RCOR1: variants seen among roughly 807,000 people sequenced by gnomAD.
RCOR1 encodes REST corepressor.
RCOR1 carries 12 observed loss-of-function variants against 64.0 expected under a neutral mutation model. The observed-to-expected ratio is 0.19, with a 90% CI of 0.12 to 0.30. The LOEUF (loss-of-function observed/expected upper bound fraction) is 0.30. Among genes scored for constraint, RCOR1 ranks in the 10% least tolerant of loss-of-function variants. RCOR1 has a pLI of 1.00. For missense variants in RCOR1, 502 were observed against 621.2 expected (o/e 0.81, Z 2.04); for synonymous variants, 279 against 227.2 (o/e 1.23, Z -2.05).
intron 2 of RCOR1, among the ~76,000 whole-genome samples, chr14:102,630,544 G>A (rs552412944): frequency 7.9e-5 from 12 of 152,132 alleles, no homozygotes; most frequent in Non-Finnish European, 1.5e-4. Context: ...ATCCTATCAG[G>A]GATCAGTGCA....
intron 4 of RCOR1, among the ~76,000 whole-genome samples, chr14:102,703,314 A>G (rs1174803585): frequency 3.9e-5 from 6 of 152,346 alleles, no homozygotes; most frequent in African/African-American, 1.4e-4. Context: ...ATAATGGCCA[A>G]AAATTTCGCA....
At chr14:102,643,068 G>A (rs567847575) in intron 2 of RCOR1, among the ~76,000 whole-genome samples, 1 of 152,284 alleles carries the variant, frequency 6.6e-6, no homozygotes, top group Non-Finnish European at 1.5e-5. Flanking sequence ...AGATCACGAG[G>A]TCAGGAGATC....
intron 3 of RCOR1, among the ~76,000 whole-genome samples, chr14:102,683,310 A>G (rs1326171567): frequency 6.6e-6 from 1 of 152,212 alleles, no homozygotes; most frequent in Non-Finnish European, 1.5e-5. Flanking sequence ...CCAGAGGCAT[A>G]GGAGGACCAA....
intron 2 of RCOR1, among the ~76,000 whole-genome samples, chr14:102,667,979 A>G (rs558361049): frequency 2.4e-4 from 36 of 152,290 alleles, no homozygotes; most frequent in Non-Finnish European, 5.0e-4. Context: ...TTTAGAAGTC[A>G]TTACCATAAT....
At chr14:102,676,439 C>T (rs1224438446) in intron 2 of RCOR1, among the ~76,000 whole-genome samples, 34 of 118,332 alleles carry the variant, frequency 2.9e-4, no homozygotes, top group South Asian at 2.7e-3. Context: ...CCTCACCTCC[C>T]GGACGGGGCG....
chr14:102,701,347 C>G lies in RCOR1; in HGVS notation c.498+17C>G. The G allele has an allele frequency of 6.5e-7, 1 of 1,550,158 alleles. No homozygotes were observed. Among genetic ancestry groups the G allele is most frequent in the Non-Finnish European group, 8.7e-7 (1 of 1,151,840 alleles). ...ATGGAACAGGTAATATCATGGTTTT[C>G]TTTCTTTTGCTGTTAAAAAATGAGT... On this transcript the variant is annotated intron_variant, in intron 4 of 11. Coordinates refer to ENST00000262241, the MANE Select transcript of RCOR1 (RefSeq NM_015156.4).
intron 2 of RCOR1, among the ~76,000 whole-genome samples, chr14:102,600,568 ATTTTTTT>A (rs750778582): frequency 7.1e-5 from 9 of 127,010 alleles, no homozygotes; most frequent in Non-Finnish European, 1.5e-4. Context: ...TGCCCAGCTA[ATTTTTTT>A]TTTTTTTTTT....
rs114986436 is a variant in RCOR1, at chr14:102,634,577, T to G, written c.361+41252T>G. Among the ~76,000 whole-genome samples, 1,425 of 151,482 alleles carry G rather than the reference T, an allele frequency of 9.4e-3. 29 individuals carry two copies. The highest frequency in any genetic ancestry group is 0.033 in the African/African-American group (1,349 of 41,256). ...CAAATAAATACTAAGTTTTTTGACA[T>G]CTTTCCACAACATGTTTATATTACG... On this transcript the variant is annotated intron_variant, in intron 2 of 11. Transcript: ENST00000262241.
At position 102,701,262 on chromosome 14, in the gene RCOR1, T is replaced by G. The variant is rs750772929; in HGVS notation, c.446-16T>G. On this transcript the variant is annotated splice_polypyrimidine_tract_variant and intron_variant, in intron 3 of 11. Coordinates refer to ENST00000262241, the MANE Select transcript of RCOR1 (RefSeq NM_015156.4). ...GTCCCTCAGTTTGTTTAATGGCATC[T>G]CTTCTTGTTTTTCAGTGGATGAATA... 1.2e-6 allele frequency: 2 copies of G among 1,609,382 alleles called. No homozygotes were observed. Among genetic ancestry groups the G allele is most frequent in the East Asian group, 4.5e-5 (2 of 44,826 alleles).
chr14:102,703,234 G>A (rs1156982234), intron 4 of RCOR1, among the ~76,000 whole-genome samples: 1 of 152,196 alleles, frequency 6.6e-6, no homozygotes, highest in East Asian at 1.9e-4. Context: ...ACAATCGGGT[G>A]GACTAACATA....
intron 2 of RCOR1, among the ~76,000 whole-genome samples, chr14:102,678,004 G>T (rs1240314878): frequency 2.7e-5 from 4 of 150,806 alleles, no homozygotes; most frequent in Admixed American, 6.6e-5. Flanking sequence ...CTGGAGACCA[G>T]CCCGGCCAAC....
chr14:102,706,963 A>G (rs978229121), intron 4 of RCOR1, among the ~76,000 whole-genome samples: 1 of 152,086 alleles, frequency 6.6e-6, no homozygotes, highest in Non-Finnish European at 1.5e-5. Flanking sequence ...GCTGTACCTA[A>G]CAAGTTATCA....
rs961948836 is a variant in RCOR1, at chr14:102,655,101, G to A, written c.362-26794G>A. 1.7e-5 allele frequency: 6 copies of A among 352,308 alleles called. No homozygotes were observed. In the Admixed American group the frequency reaches 2.2e-4, roughly 13 times the overall value. 21.8% of individuals were successfully genotyped at this position (352,308 alleles called of 1,614,324 possible). ...GCTGGGGTCTCTGGCATTCACCACC[G>A]CGGACAACCTTTTTTTTTTTTTTTT... is the stretch of plus-strand genomic sequence containing the variant. On this transcript the variant is annotated intron_variant, in intron 2 of 11. Coordinates refer to ENST00000262241, the MANE Select transcript of RCOR1 (RefSeq NM_015156.4).
chr14:102,644,809 A>G (rs957179057), intron 2 of RCOR1, among the ~76,000 whole-genome samples: 5 of 152,240 alleles, frequency 3.3e-5, no homozygotes, highest in Non-Finnish European at 7.3e-5. Flanking sequence ...GAAATTCAGC[A>G]GGGCACACGT....
At chr14:102,621,882 T>A (rs1893880753) in intron 2 of RCOR1, among the ~76,000 whole-genome samples, 1 of 152,106 alleles carries the variant, frequency 6.6e-6, no homozygotes, top group African/African-American at 2.4e-5. Flanking sequence ...GTTGGATGAA[T>A]GCAAGGTGGG....
rs1454054404 is a variant in RCOR1, at chr14:102,593,204, C to G, written c.301+17C>G. ...AGGAGCACGGTAGGTGGCAGCCGCC[C>G]CCGCGGCCCCGGGCCCCGCGCCCCG... On this transcript the variant is annotated intron_variant, in intron 1 of 11. Coordinates refer to ENST00000262241, the MANE Select transcript of RCOR1 (RefSeq NM_015156.4). 1 of 1,478,200 alleles carries G rather than the reference C, an allele frequency of 6.8e-7. No homozygotes were observed. The highest frequency in any genetic ancestry group is 1.5e-5 in the African/African-American group (1 of 67,642). The allele number at this position is 1,478,200 out of a possible 1,614,324, so 91.6% of individuals were successfully genotyped here.
At chr14:102,689,601 G>C (rs1895491773) in intron 3 of RCOR1, among the ~76,000 whole-genome samples, 1 of 152,136 alleles carries the variant, frequency 6.6e-6, no homozygotes, top group Non-Finnish European at 1.5e-5. Flanking sequence ...GTTATATATA[G>C]TAAGTGTTTG....
intron 8 of RCOR1, among the ~76,000 whole-genome samples, chr14:102,720,260 T>C (rs751366835): frequency 1.3e-5 from 2 of 152,000 alleles, no homozygotes; most frequent in Non-Finnish European, 2.9e-5. Flanking sequence ...AGAGAGAAAA[T>C]AGCATACTTC....
At chr14:102,599,211 C>T (rs1335615019) in intron 2 of RCOR1, among the ~76,000 whole-genome samples, 1 of 151,744 alleles carries the variant, frequency 6.6e-6, no homozygotes, top group Non-Finnish European at 1.5e-5. Context: ...TGAACTTGAA[C>T]CTCCTGGGCG....
Sources: allele counts gnomAD v4.1 joint callset (sites outside exome capture counted in the v4.1 genomes callset), GRCh38; gene constraint gnomAD v4.1.1; transcripts MANE v1.5; gene names NCBI Gene and HGNC (gene_info 2026-07-23, HGNC 2026-07-21).